HECW1: variants seen among roughly 807,000 people sequenced by gnomAD.
HECW1 encodes HECT, C2 and WW domain containing E3 ubiquitin protein ligase 1.
Under a neutral mutation model 182.3 loss-of-function variants are expected in HECW1, and 61 were observed. The ratio of observed to expected loss-of-function variants is 0.33; its 90% CI spans 0.27 to 0.41. The LOEUF is 0.41. HECW1 is among the 10% of genes least tolerant of loss of function. The pLI, the probability that HECW1 is intolerant of heterozygous loss-of-function variation, is 1.00. For synonymous variants in HECW1, 859 were observed against 832.6 expected (o/e 1.03, Z -0.55); for missense variants, 1,739 against 2,108.9 (o/e 0.82, Z 3.44).
At chr7:43,299,950 G>C (rs1806521391) in intron 3 of HECW1, among the ~76,000 whole-genome samples, 1 of 152,212 alleles carries the variant, frequency 6.6e-6, no homozygotes, top group African/African-American at 2.4e-5. Context: ...TGCTGGTTTT[G>C]ATCACAGGGA....
At chr7:43,488,788 C>T (rs1346374654) in intron 17 of HECW1, among the ~76,000 whole-genome samples, 1 of 152,182 alleles carries the variant, frequency 6.6e-6, no homozygotes, top group Non-Finnish European at 1.5e-5. Context: ...GTCTTTGAGC[C>T]ATCCAGTACC....
intron 2 of HECW1, among the ~76,000 whole-genome samples, chr7:43,148,116 T>A (rs1788915806): frequency 6.6e-6 from 1 of 152,116 alleles, no homozygotes; most frequent in Non-Finnish European, 1.5e-5. Flanking sequence ...GCCCTTGAAT[T>A]CAACATCTGT....
chr7:43,232,112 T>C (rs906853977), intron 2 of HECW1, among the ~76,000 whole-genome samples: 2 of 151,552 alleles, frequency 1.3e-5, no homozygotes, highest in African/African-American at 2.4e-5. Flanking sequence ...AGGAAAGAGC[T>C]TGGAATTTCA....
intron 15 of HECW1, among the ~76,000 whole-genome samples, chr7:43,466,977 T>C (rs1232678008): frequency 6.6e-6 from 1 of 152,246 alleles, no homozygotes; most frequent in Non-Finnish European, 1.5e-5. Flanking sequence ...CCTTTTGATA[T>C]GGTTTTTTCG....
At chr7:43,525,570 G>A (rs908797936) in intron 24 of HECW1, among the ~76,000 whole-genome samples, 23 of 152,234 alleles carry the variant, frequency 1.5e-4, no homozygotes, top group African/African-American at 3.1e-4. Context: ...TAAAAATAGC[G>A]CAGCTGAAAA....
intron 14 of HECW1, among the ~76,000 whole-genome samples, chr7:43,465,898 A>G (rs2077749859): frequency 6.6e-6 from 1 of 151,670 alleles, no homozygotes; most frequent in Middle Eastern, 3.4e-3. Flanking sequence ...TGTCTCAAGA[A>G]AGACAAAGAG....
chr7:43,392,468 C>A (rs2075071456), intron 6 of HECW1, among the ~76,000 whole-genome samples: 1 of 152,222 alleles, frequency 6.6e-6, no homozygotes, highest in South Asian at 2.1e-4. Flanking sequence ...CTTTACCTTC[C>A]AAATACATGC....
intron 5 of HECW1, among the ~76,000 whole-genome samples, chr7:43,324,645 T>C (rs1810558109): frequency 1.3e-5 from 2 of 152,184 alleles, no homozygotes; most frequent in Non-Finnish European, 2.9e-5. Flanking sequence ...AATAAGACTC[T>C]TTGCAGTCTC....
At chr7:43,364,587 C>T (rs1020899097) in intron 6 of HECW1, among the ~76,000 whole-genome samples, 9 of 152,228 alleles carry the variant, frequency 5.9e-5, no homozygotes, top group African/African-American at 1.7e-4. Context: ...CTGAGGCAGG[C>T]GCCATGAGTG....
At chr7:43,503,239 A>G (rs1174431649) in intron 21 of HECW1, among the ~76,000 whole-genome samples, 2 of 152,240 alleles carry the variant, frequency 1.3e-5, no homozygotes, top group African/African-American at 2.4e-5. Context: ...TGGAGCCGAC[A>G]TCAATACAGT....
intron 7 of HECW1, among the ~76,000 whole-genome samples, chr7:43,406,756 A>C (rs2075623655): frequency 6.6e-6 from 1 of 152,180 alleles, no homozygotes; most frequent in Middle Eastern, 3.4e-3. Flanking sequence ...TGTCTCTACT[A>C]AAAATACAAA....
chr7:43,221,081 G>A (rs1231738636), intron 2 of HECW1, among the ~76,000 whole-genome samples: 1 of 152,212 alleles, frequency 6.6e-6, no homozygotes, highest in Non-Finnish European at 1.5e-5. Flanking sequence ...TTCTTCTAGT[G>A]ACCTGGAAGC....
chr7:43,542,928 C>T (rs902031287), intron 26 of HECW1, among the ~76,000 whole-genome samples: 3 of 152,064 alleles, frequency 2.0e-5, no homozygotes, highest in Non-Finnish European at 2.9e-5. Context: ...TTGTGAAGTA[C>T]GTCATACATA....
chr7:43,564,816 G>C lies in HECW1; in HGVS notation c.*2890G>C, dbSNP rs1429571804. The C allele has an allele frequency of 5.5e-6, 1 of 182,626 alleles. No individual in the cohort carries two copies. Among genetic ancestry groups the C allele is most frequent in the Non-Finnish European group, 1.2e-5 (1 of 85,764 alleles). 11.3% of individuals were successfully genotyped at this position (182,626 alleles called of 1,614,324 possible). On this transcript the variant is annotated 3_prime_UTR_variant, in exon 30 of 30. Transcript: ENST00000395891. ...CTATAGAACTAAATTTCACTTAGGT[G>C]GAGGTATAAACCACCTTAAATTATA...
chr7:43,168,211 G>C lies in HECW1; in HGVS notation c.-32+53820G>C, dbSNP rs1791323626. Among the ~76,000 whole-genome samples, 4 of 152,160 alleles carry C rather than the reference G, an allele frequency of 2.6e-5. No homozygotes were observed. In the South Asian group the frequency reaches 8.3e-4, roughly 32 times the overall value. Reference sequence around the variant, plus strand: ...CACAAAGATCATGTTTATGAGTGTTGAATCATGGGATGCTATCTTAATTCA... The same window carrying C: ...CACAAAGATCATGTTTATGAGTGTTCAATCATGGGATGCTATCTTAATTCA... On this transcript the variant is annotated intron_variant, in intron 2 of 29. Transcript: ENST00000395891.
chr7:43,171,234 A>C (rs912756811), intron 2 of HECW1, among the ~76,000 whole-genome samples: 32 of 152,202 alleles, frequency 2.1e-4, no homozygotes, highest in African/African-American at 7.7e-4. Context: ...ATATATTCTG[A>C]GTGGTGGGAA....
chr7:43,500,771 C>T lies in HECW1; in HGVS notation c.3510C>T (p.Val1170=). The T allele has an allele frequency of 6.2e-7, 1 of 1,613,530 alleles. No individual in the cohort carries two copies. The highest frequency in any genetic ancestry group is 1.1e-5 in the South Asian group (1 of 91,044). The change falls in exon 20 of 30, where the codon GTC becomes GTT. Residue 1170 remains valine (V), a synonymous_variant. Coordinates refer to ENST00000395891, the MANE Select transcript of HECW1 (RefSeq NM_015052.5). Reference sequence around the variant, plus strand: ...AGTTGTCCTGTGATGCGGATCTGGTCATTTTGCTGAGGTAGGGGGCTAGGC... The same window carrying T: ...AGTTGTCCTGTGATGCGGATCTGGTTATTTTGCTGAGGTAGGGGGCTAGGC... ...LEKLSCDADL[V]ILLSLFEEEI...
intron 6 of HECW1, among the ~76,000 whole-genome samples, chr7:43,387,385 C>T (rs2074843226): frequency 6.6e-6 from 1 of 152,294 alleles, no homozygotes; most frequent in South Asian, 2.1e-4. Flanking sequence ...TTAAAGGACT[C>T]AGGTTCCTCA....
intron 18 of HECW1, among the ~76,000 whole-genome samples, chr7:43,492,681 C>T (rs763654807): frequency 7.9e-5 from 12 of 152,054 alleles, no homozygotes; most frequent in Non-Finnish European, 1.2e-4. Context: ...ACTGGGAAAT[C>T]GACACATGGA....
Sources: gnomAD v4.1 joint callset for allele counts (sites outside exome capture counted in the v4.1 genomes callset) on GRCh38, gnomAD v4.1.1 for gene constraint, MANE v1.5 for transcripts, NCBI Gene and HGNC (gene_info 2026-07-23, HGNC 2026-07-21) for gene names.